TRPS1: variants seen among roughly 807,000 people sequenced by gnomAD.
TRPS1 encodes transcriptional repressor GATA binding 1.
In TRPS1, 6 loss-of-function variants were observed where a neutral mutation model predicts 101.2. The ratio of observed to expected loss-of-function variants is 0.06; its 90% CI spans 0.03 to 0.12. The LOEUF (loss-of-function observed/expected upper bound fraction) is 0.12. Ranked by LOEUF, TRPS1 falls within the 10% of genes least tolerant of loss-of-function variation. The pLI, the probability that TRPS1 is intolerant of heterozygous loss-of-function variation, is 1.00. For missense variants in TRPS1, 1,363 were observed against 1,567.0 expected, an observed-to-expected ratio of 0.87 and a Z score of 2.20; for synonymous variants, 578 against 589.8, an observed-to-expected ratio of 0.98 and a Z score of 0.29.
In TRPS1 at chr8:115,412,181, A is replaced by C. The variant is rs560144757; in HGVS notation, c.*1842T>G. 2 of 137,042 alleles carry C rather than the reference A, an allele frequency of 1.5e-5. No individual in the cohort carries two copies. The highest frequency in any genetic ancestry group is 3.0e-5 in the Non-Finnish European group (2 of 66,072). The allele number at this position is 137,042 out of a possible 1,614,324, so 8.5% of individuals were successfully genotyped here. ...ATGTGAGTTAAGAGCTTAAAAATTA[A>C]AAAAAAAAAAGTACTTGGAATGAAT... On this transcript the variant is annotated 3_prime_UTR_variant, in exon 7 of 7. Transcript: ENST00000395715.
rs962958702 is a variant in TRPS1, at chr8:115,604,375, T to C, written c.1594A>G (p.Met532Val). Residue 532 changes from methionine (M) to valine (V), a missense_variant, in exon 4 of 7, where the codon ATG becomes GTG. Physicochemically the swap from Met to Val is conservative, Grantham distance 21 (BLOSUM62 1). Transcript: ENST00000395715. This position sits in a 1 kb window ranked among gnomAD's most constrained non-coding sequence, Gnocchi z 4.1. ...DFSSKGAEDNMVTSYNCQFCD... is the reference protein window; with the variant it reads ...DFSSKGAEDNVVTSYNCQFCD... ...AACTGACAATTATAGCTCGTTACCA[T>C]ATTATCCTCGGCTCCCTTGCTGGAG... is the stretch of plus-strand genomic sequence containing the variant. 2 of 1,613,946 alleles carry C rather than the reference T, an allele frequency of 1.2e-6. No individual in the cohort carries two copies. Among genetic ancestry groups the C allele is most frequent in the African/African-American group, 1.3e-5 (1 of 74,894 alleles).
At chr8:115,448,065 A>T (rs1813780712) in intron 5 of TRPS1, among the ~76,000 whole-genome samples, 1 of 152,180 alleles carries the variant, frequency 6.6e-6, no homozygotes, top group African/African-American at 2.4e-5. Context: ...ACCAAAGAAG[A>T]TATATAGATT....
chr8:115,598,196 C>A (rs1817830718), intron 4 of TRPS1, among the ~76,000 whole-genome samples: 1 of 151,730 alleles, frequency 6.6e-6, no homozygotes, highest in Admixed American at 6.6e-5. Context: ...CATTCATTTC[C>A]TATTCTTTCA....
intron 5 of TRPS1, among the ~76,000 whole-genome samples, chr8:115,434,740 A>G (rs1286731612): frequency 1.3e-5 from 2 of 152,228 alleles, no homozygotes; most frequent in East Asian, 3.8e-4. Context: ...CCGTAGCAAC[A>G]AATGCATAGC....
intron 5 of TRPS1, among the ~76,000 whole-genome samples, chr8:115,498,569 T>G (rs2130133770): frequency 6.6e-6 from 1 of 151,498 alleles, no homozygotes; most frequent in South Asian, 2.1e-4. Flanking sequence ...TTTACTTATA[T>G]GGAAACTAAT....
intron 1 of TRPS1, among the ~76,000 whole-genome samples, chr8:115,655,522 C>T (rs1811658197): frequency 6.6e-6 from 1 of 152,088 alleles, no homozygotes; most frequent in Non-Finnish European, 1.5e-5. Context: ...GAGGTGATTT[C>T]ATCTATTCTT....
At chr8:115,554,182 A>G (rs2130348788) in intron 5 of TRPS1, among the ~76,000 whole-genome samples, 1 of 152,332 alleles carries the variant, frequency 6.6e-6, no homozygotes, top group South Asian at 2.1e-4. Flanking sequence ...ATAGAAAAGC[A>G]AACAAGAGAA....
chr8:115,583,382 CTTAT>C lies in TRPS1; in HGVS notation c.2700+3615_2700+3618del, dbSNP rs1817494113. ...CTATTGGAATATATAAAATAATTTA[CTTAT>C]ACTGTTGGTACAGGTAATTTTAAAC... On this transcript the variant is annotated intron_variant, in intron 5 of 6. Transcript: ENST00000395715. 1.8e-4 allele frequency among the ~76,000 whole-genome samples: 3 copies of C among 16,964 alleles called. No individual in the cohort carries two copies. In the African/African-American group the frequency reaches 5.3e-3, roughly 30 times the overall value. The allele number at this position is 16,964 out of a possible 152,430, so 11.1% of individuals were successfully genotyped here. A position where few individuals can be genotyped will look rare whatever the true frequency, so the allele number is the denominator to read the frequency against.
chr8:115,553,032 G>A (rs1238570196), intron 5 of TRPS1, among the ~76,000 whole-genome samples: 1 of 152,016 alleles, frequency 6.6e-6, no homozygotes, highest in Non-Finnish European at 1.5e-5. Flanking sequence ...AGAATAAGAC[G>A]AATATTCACA....
chr8:115,432,792 T>C (rs992620461), intron 5 of TRPS1, among the ~76,000 whole-genome samples: 7 of 151,988 alleles, frequency 4.6e-5, no homozygotes, highest in Non-Finnish European at 8.8e-5. Context: ...ACTCCACTTA[T>C]CTCATTAACT....
intron 5 of TRPS1, among the ~76,000 whole-genome samples, chr8:115,509,448 A>G (rs1815526576): frequency 6.6e-6 from 1 of 152,054 alleles, no homozygotes; most frequent in South Asian, 2.1e-4. Flanking sequence ...ATAATCAGTG[A>G]GTGTGGCACA....
intron 5 of TRPS1, among the ~76,000 whole-genome samples, chr8:115,499,460 C>T (rs1412362729): frequency 1.3e-5 from 2 of 152,092 alleles, no homozygotes; most frequent in Admixed American, 6.5e-5. Flanking sequence ...CATGAACATC[C>T]TACCATCGAG....
chr8:115,486,595 G>A (rs1384418631), intron 5 of TRPS1, among the ~76,000 whole-genome samples: 4 of 152,234 alleles, frequency 2.6e-5, no homozygotes, highest in African/African-American at 9.6e-5. Context: ...TGCTAGTCAC[G>A]TGAATATACA....
chr8:115,501,354 T>C (rs922559017), intron 5 of TRPS1, among the ~76,000 whole-genome samples: 1 of 152,172 alleles, frequency 6.6e-6, no homozygotes, highest in Non-Finnish European at 1.5e-5. Flanking sequence ...TACCTGCTAG[T>C]AGGGAGATAA....
intron 5 of TRPS1, among the ~76,000 whole-genome samples, chr8:115,546,647 CATTTCCATAAATT>C (rs935177241): frequency 6.6e-6 from 1 of 151,148 alleles, no homozygotes; most frequent in Non-Finnish European, 1.5e-5. Context: ...ACTAATGTAA[CATTTCCATAAATT>C]ATTTCCATAA....
chr8:115,416,562 T>G (rs1199124266), intron 6 of TRPS1, among the ~76,000 whole-genome samples: 1 of 148,414 alleles, frequency 6.7e-6, no homozygotes, highest in Non-Finnish European at 1.5e-5. Context: ...TTCATAAACA[T>G]GTTATAATAA....
intron 5 of TRPS1, among the ~76,000 whole-genome samples, chr8:115,466,621 G>C (rs1403748575): frequency 4.6e-5 from 7 of 152,082 alleles, no homozygotes; most frequent in Non-Finnish European, 4.4e-5. Flanking sequence ...AGAAATACTA[G>C]GGATTTCAGG....
At chr8:115,605,758 T>C (rs919600650) in intron 3 of TRPS1, among the ~76,000 whole-genome samples, 2 of 152,206 alleles carry the variant, frequency 1.3e-5, no homozygotes, top group African/African-American at 2.4e-5. Flanking sequence ...GAGTAGGTCA[T>C]GATGTCTGAA....
intron 1 of TRPS1, among the ~76,000 whole-genome samples, chr8:115,637,985 TA>T (rs1288494527): frequency 2.6e-5 from 4 of 152,174 alleles, no homozygotes; most frequent in African/African-American, 9.6e-5. Context: ...TTTAAAAACA[TA>T]AATTTAGGTT....
Sources: allele counts gnomAD v4.1 joint callset (sites outside exome capture counted in the v4.1 genomes callset), GRCh38; gene constraint gnomAD v4.1.1; non-coding constraint Gnocchi (gnomAD v3.1); transcripts MANE v1.5; gene names NCBI Gene and HGNC (gene_info 2026-07-23, HGNC 2026-07-21).